KIAA1549: variants seen among roughly 807,000 people sequenced by gnomAD.
The protein encoded by KIAA1549 is KIAA1549.
KIAA1549 carries 70 observed loss-of-function variants against 156.4 expected under a neutral mutation model. The ratio of observed to expected loss-of-function variants is 0.45; its 90% CI spans 0.37 to 0.55. The LOEUF is 0.55. Among genes scored for constraint, KIAA1549 ranks in the 20% least tolerant of loss-of-function variants. The pLI, the probability that KIAA1549 is intolerant of heterozygous loss-of-function variation, is 0.00. For missense variants in KIAA1549, 2,428 were observed against 2,540.9 expected (o/e 0.96, Z 0.96); for synonymous variants, 1,103 against 1,066.4 (o/e 1.03, Z -0.67).
intron 1 of KIAA1549, among the ~76,000 whole-genome samples, chr7:138,951,705 C>A (rs1310163180): frequency 6.6e-6 from 1 of 152,194 alleles, no homozygotes; most frequent in Non-Finnish European, 1.5e-5. Flanking sequence ...CAGGGACAAT[C>A]TGAGTTCATA....
rs1811238784 is a variant in KIAA1549 at position 138,881,384 on chromosome 7, T to C, written c.4229+4A>G. On this transcript the variant is annotated splice_donor_region_variant and intron_variant, in intron 11 of 19. Transcript: ENST00000422774. ...AAGAATAATACAGAAAGCCCAATAA[T>C]AACCTTCCTCTGTGACGAACATTCT... The C allele has an allele frequency of 2.5e-6, 4 of 1,611,612 alleles. No homozygotes were observed. Among genetic ancestry groups the C allele is most frequent in the African/African-American group, 1.3e-5 (1 of 74,766 alleles).
At chr7:138,943,022 G>A (rs1183355723) in intron 1 of KIAA1549, among the ~76,000 whole-genome samples, 1 of 152,208 alleles carries the variant, frequency 6.6e-6, no homozygotes, top group Non-Finnish European at 1.5e-5. Context: ...AGGGCTGCCT[G>A]GGCCTCAAAC....
intron 1 of KIAA1549, among the ~76,000 whole-genome samples, chr7:138,958,791 A>G (rs1813749379): frequency 6.6e-6 from 1 of 152,060 alleles, no homozygotes; most frequent in African/African-American, 2.4e-5. Context: ...ATCCAAACAA[A>G]CCAGTATGAT....
chr7:138,842,424 C>T (rs1311921418), intron 18 of KIAA1549, among the ~76,000 whole-genome samples: 8 of 152,222 alleles, frequency 5.3e-5, no homozygotes, highest in Non-Finnish European at 7.3e-5. Flanking sequence ...CAGCGGCTCA[C>T]GCCTGTAATC....
At chr7:138,975,345 TGA>T (rs1278531510) in intron 1 of KIAA1549, among the ~76,000 whole-genome samples, 1 of 152,000 alleles carries the variant, frequency 6.6e-6, no homozygotes, top group Non-Finnish European at 1.5e-5. Flanking sequence ...TCTGCAATGG[TGA>T]GAGTGAGCTG....
intron 1 of KIAA1549, among the ~76,000 whole-genome samples, chr7:138,932,476 G>A (rs1433237644): frequency 1.3e-5 from 2 of 152,202 alleles, no homozygotes; most frequent in African/African-American, 2.4e-5. Context: ...CTTAGAAGCC[G>A]CAATGCTGAG....
intron 1 of KIAA1549, among the ~76,000 whole-genome samples, chr7:138,958,194 A>G (rs1269433680): frequency 1.3e-5 from 2 of 152,186 alleles, no homozygotes; most frequent in Non-Finnish European, 2.9e-5. Flanking sequence ...GCGGGCCACA[A>G]GAGGGGCCAT....
intron 10 of KIAA1549, among the ~76,000 whole-genome samples, chr7:138,887,512 C>T (rs1312877203): frequency 5.3e-5 from 8 of 152,122 alleles, no homozygotes; most frequent in African/African-American, 1.7e-4. Context: ...GTCCTCCCTA[C>T]ACTAGTGATT....
chr7:138,905,084 A>G lies in KIAA1549; in HGVS notation c.3461-3T>C. 1 of 1,566,224 alleles carries G rather than the reference A, an allele frequency of 6.4e-7. No homozygotes were observed. Among genetic ancestry groups the G allele is most frequent in the Non-Finnish European group, 8.7e-7 (1 of 1,152,804 alleles). ...GTTGAGCTGTGGATACTGGAAGGCTACAAAAGGGAAAGAATTAGGGAAGGA... is the reference window on the plus strand; with the variant it reads ...GTTGAGCTGTGGATACTGGAAGGCTGCAAAAGGGAAAGAATTAGGGAAGGA... On this transcript the variant is annotated splice_region_variant and splice_polypyrimidine_tract_variant and intron_variant, in intron 6 of 19. Transcript: ENST00000422774.
At position 138,968,656 on chromosome 7, in the gene KIAA1549, G is replaced by A. The variant is rs185857065; in HGVS notation, c.187+12427C>T. Among the ~76,000 whole-genome samples, 187 of 151,452 alleles carry A rather than the reference G, an allele frequency of 1.2e-3. 1 individual carries two copies. Among genetic ancestry groups the A allele is most frequent in the African/African-American group, 4.4e-3 (180 of 41,264 alleles). On this transcript the variant is annotated intron_variant, in intron 1 of 19. Transcript: ENST00000422774. ...AGGTCAGGAGATCGAGACCATCCTG[G>A]CTAACACGGTGAAACCCCGTCTCTA...
rs1206713041 is a variant in KIAA1549 at position 138,843,923 on chromosome 7, TAA to T, written c.5452+392_5452+393del. Among the ~76,000 whole-genome samples the T allele has an allele frequency of 2.0e-5, 3 of 152,136 alleles. No individual in the cohort carries two copies. The East Asian group carries it at 5.8e-4, about 29-fold the overall frequency. Reference sequence around the variant, plus strand: ...TACTTGCTTTTGTTTTGTTTTGAGATAAGAGTTTTGCTCTGTCACCCAGACTT... The same window carrying T: ...TACTTGCTTTTGTTTTGTTTTGAGATGAGTTTTGCTCTGTCACCCAGACTT... On this transcript the variant is annotated intron_variant, in intron 18 of 19. Transcript: ENST00000422774.
intron 1 of KIAA1549, among the ~76,000 whole-genome samples, chr7:138,952,098 C>T (rs1268989771): frequency 6.6e-6 from 1 of 152,184 alleles, no homozygotes; most frequent in Non-Finnish European, 1.5e-5. Flanking sequence ...GGCACTAACT[C>T]TAGCTGCAGG....
At position 138,831,414 on chromosome 7, in the gene KIAA1549, C is replaced by T. The variant is rs148295495; in HGVS notation, c.*6492G>A. The T allele has an allele frequency of 9.8e-4, 194 of 197,718 alleles. 3 individuals carry two copies. The East Asian group carries it at 0.015, about 16-fold the overall frequency. The allele number at this position is 197,718 out of a possible 1,614,324, so 12.2% of individuals were successfully genotyped here. ...CAATTCATAGCATTTATTGACATTT[C>T]CATTTAAAATGCTAGGAAAGCTGTA... On this transcript the variant is annotated 3_prime_UTR_variant, in exon 20 of 20. Coordinates refer to ENST00000422774, the MANE Select transcript of KIAA1549 (RefSeq NM_001164665.2).
Position 138,918,537 on chromosome 7 carries a change from T to C in KIAA1549, c.1089A>G (p.Ser363=). 1.9e-6 allele frequency: 3 copies of C among 1,613,986 alleles called. No homozygotes were observed. Among genetic ancestry groups the C allele is most frequent in the Middle Eastern group, 1.6e-4 (1 of 6,062 alleles). Residue 363 remains serine (S), a synonymous_variant, in exon 2 of 20, where the codon TCA becomes TCG. Transcript: ENST00000422774. The surrounding 1 kb of genome is among the most constrained non-coding windows in gnomAD (Gnocchi z 4.2). ...AFSRTHSPLL[S]TPLAFASSAS... is the part of the protein sequence containing the mutation. Reference sequence around the variant, plus strand: ...CAGAGGACGCAAATGCAAGAGGAGTTGAAAGCAATGGAGAATGTGTCCTGC... The same window carrying C: ...CAGAGGACGCAAATGCAAGAGGAGTCGAAAGCAATGGAGAATGTGTCCTGC...
chr7:138,840,656 C>T (rs994682194), intron 18 of KIAA1549, among the ~76,000 whole-genome samples: 1 of 152,188 alleles, frequency 6.6e-6, no homozygotes, highest in East Asian at 1.9e-4. Flanking sequence ...CTCCCCATTT[C>T]CACCCAGGGC....
chr7:138,981,245 G>A lies in KIAA1549; in HGVS notation c.25C>T (p.Arg9Ter). The change falls in exon 1 of 20, where the codon CGA becomes TGA. Residue 9 changes from arginine to a stop codon, truncating the protein, a stop_gained. Coordinates refer to ENST00000422774, the MANE Select transcript of KIAA1549 (RefSeq NM_001164665.2). LOFTEE classifies it high-confidence loss of function. The surrounding 1 kb of genome is among the most constrained non-coding windows in gnomAD (Gnocchi z 4.5). The part of the protein sequence containing the change: MPGARRRR[R>*]GAAMEGKPRA... The stretch of plus-strand genomic sequence containing the variant: ...GGCTTCCCCTCCATGGCCGCGCCTC[G>A]GCGTCGGCGCCGCGCCCCCGGCATT... 2 of 983,946 alleles carry A rather than the reference G, an allele frequency of 2.0e-6. No homozygotes were observed. Among genetic ancestry groups the A allele is most frequent in the East Asian group, 1.1e-4 (1 of 8,820 alleles). 61.0% of individuals were successfully genotyped at this position (983,946 alleles called of 1,614,324 possible).
chr7:138,870,745 C>T (rs1810904129), intron 13 of KIAA1549, among the ~76,000 whole-genome samples: 1 of 152,204 alleles, frequency 6.6e-6, no homozygotes, highest in South Asian at 2.1e-4. Flanking sequence ...CAGCTTATGC[C>T]TTCAGTAACT....
chr7:138,864,067 G>C (rs767685515), intron 15 of KIAA1549, among the ~76,000 whole-genome samples: 1 of 152,166 alleles, frequency 6.6e-6, no homozygotes, highest in African/African-American at 2.4e-5. Flanking sequence ...AGAAGGGAGG[G>C]TGTGTCTGGA....
intron 1 of KIAA1549, among the ~76,000 whole-genome samples, chr7:138,961,264 G>A (rs1813836553): frequency 6.6e-6 from 1 of 152,198 alleles, no homozygotes; most frequent in South Asian, 2.1e-4. Flanking sequence ...GTACATAGGA[G>A]GGCTCCATGC....
Sources: allele counts gnomAD v4.1 joint callset (sites outside exome capture counted in the v4.1 genomes callset), GRCh38; gene constraint gnomAD v4.1.1; non-coding constraint Gnocchi (gnomAD v3.1); transcripts MANE v1.5; gene names NCBI Gene and HGNC (gene_info 2026-07-23, HGNC 2026-07-21).